The following GPR107 variants were observed in gnomAD, a reference collection of about 807,000 sequenced individuals.
The protein encoded by GPR107 is protein GPR107.
A neutral mutation model predicts 75.5 loss-of-function variants in GPR107; 31 were observed. The ratio of observed to expected loss-of-function variants is 0.41; its 90% CI spans 0.31 to 0.55. GPR107 has a LOEUF of 0.55. GPR107 is among the 20% of genes least tolerant of loss of function. The probability of loss-of-function intolerance (pLI) is 0.26; values close to 1 mark genes in which losing one functional copy is unlikely to be tolerated. For missense variants in GPR107, 572 were observed against 665.7 expected, an observed-to-expected ratio of 0.86 and a Z score of 1.55; for synonymous variants, 267 against 251.3, an observed-to-expected ratio of 1.06 and a Z score of -0.59.
chr9:130,058,788 C>G (rs1295854360), intron 1 of GPR107, among the ~76,000 whole-genome samples: 1 of 152,028 alleles, frequency 6.6e-6, no homozygotes, highest in Non-Finnish European at 1.5e-5. Flanking sequence ...TTGTGCCCAT[C>G]TTTCTTTCTT....
intron 1 of GPR107, among the ~76,000 whole-genome samples, chr9:130,056,912 G>C (rs944430095): frequency 1.5e-4 from 14 of 95,578 alleles, no homozygotes; most frequent in African/African-American, 6.4e-4. Context: ...GTGACAGAGC[G>C]AGACTCCTTC....
At chr9:130,059,385 G>C (rs1648062380) in intron 1 of GPR107, among the ~76,000 whole-genome samples, 1 of 152,262 alleles carries the variant, frequency 6.6e-6, no homozygotes, top group South Asian at 2.1e-4. Flanking sequence ...CTACTGGGGA[G>C]GCTGAGGCAG....
At chr9:130,097,906 G>C (rs1379381591) in intron 9 of GPR107, among the ~76,000 whole-genome samples, 3 of 151,686 alleles carry the variant, frequency 2.0e-5, no homozygotes, top group Non-Finnish European at 2.9e-5. Flanking sequence ...TTTTGAGACA[G>C]GGACTCGCTC....
chr9:130,134,162 C>T (rs1554899607), intron 17 of GPR107, among the ~76,000 whole-genome samples: 1 of 152,166 alleles, frequency 6.6e-6, no homozygotes, highest in Non-Finnish European at 1.5e-5. Context: ...GGCCAAGCGG[C>T]TTTTGACACC....
intron 14 of GPR107, among the ~76,000 whole-genome samples, chr9:130,114,977 C>T (rs533768738): frequency 2.6e-5 from 4 of 152,174 alleles, no homozygotes; most frequent in African/African-American, 9.6e-5. Context: ...CCAAAGAACT[C>T]TGTTGTATCT....
intron 17 of GPR107, among the ~76,000 whole-genome samples, chr9:130,134,757 A>G (rs12344508): frequency 0.12 from 18,665 of 152,320 alleles, 1,638 homozygotes; most frequent in African/African-American, 0.24. Flanking sequence ...TGATAACGAT[A>G]GCTGGTGTTT....
Position 130,076,449 on chromosome 9 carries a change from TTTC to T in GPR107, c.299_301del (p.Ser100del), listed in dbSNP as rs1471742769. 1.3e-6 allele frequency: 2 copies of T among 1,583,342 alleles called. No individual in the cohort carries two copies. Among genetic ancestry groups the T allele is most frequent in the Non-Finnish European group, 1.7e-6 (2 of 1,151,944 alleles). On this transcript the variant is annotated inframe_deletion, in exon 3 of 18. Coordinates refer to ENST00000347136, the MANE Select transcript of GPR107 (RefSeq NM_020960.5). ...CTAGACCGTACAAAGAATGATGGCT[TTTC>T]TTCTTACCTGGTGAGTATTAAATGT... is the stretch of plus-strand genomic sequence containing the variant.
chr9:130,093,131 G>A (rs1277354899), intron 9 of GPR107, among the ~76,000 whole-genome samples: 1 of 152,116 alleles, frequency 6.6e-6, no homozygotes, highest in Non-Finnish European at 1.5e-5. Flanking sequence ...GCTGCACTGG[G>A]ATAGATTCTC....
rs1035698012 is a variant in GPR107, at chr9:130,138,682, A to G, written c.*3561A>G. 1 of 151,866 alleles carries G rather than the reference A, an allele frequency of 6.6e-6. No homozygotes were observed. The highest frequency in any genetic ancestry group is 2.4e-5 in the African/African-American group (1 of 41,298). 9.4% of individuals were successfully genotyped at this position (151,866 alleles called of 1,614,324 possible). On this transcript the variant is annotated 3_prime_UTR_variant, in exon 18 of 18. Transcript: ENST00000347136. ...CTCCCAGCAGCTGTGTGAAAGATGC[A>G]TTTTCTAAGCTAAGGAGAATTTTCT...
At chr9:130,082,739 A>C (rs1830523299) in intron 5 of GPR107, among the ~76,000 whole-genome samples, 1 of 152,028 alleles carries the variant, frequency 6.6e-6, no homozygotes, top group Non-Finnish European at 1.5e-5. Flanking sequence ...TCAGCCTCCC[A>C]AAGTGCTGGG....
intron 12 of GPR107, among the ~76,000 whole-genome samples, chr9:130,104,002 A>C (rs1831099577): frequency 6.6e-6 from 1 of 152,104 alleles, no homozygotes; most frequent in South Asian, 2.1e-4. Flanking sequence ...TTCTGGGCTG[A>C]GAAGCTTGCT....
intron 1 of GPR107, among the ~76,000 whole-genome samples, chr9:130,072,421 G>A (rs1340718171): frequency 1.3e-5 from 2 of 151,804 alleles, no homozygotes; most frequent in Non-Finnish European, 1.5e-5. Context: ...AGGTTTCACC[G>A]TGTTAGCCAG....
chr9:130,131,430 G>A (rs1554899062), intron 17 of GPR107, among the ~76,000 whole-genome samples: 1 of 151,938 alleles, frequency 6.6e-6, no homozygotes, highest in Non-Finnish European at 1.5e-5. Flanking sequence ...TCCCAGTCCT[G>A]GCCACACACT....
At position 130,116,028 on chromosome 9, in the gene GPR107, C is replaced by T. The variant is rs540633238; in HGVS notation, c.1306+8489C>T. Reference sequence around the variant, plus strand: ...ATTCCTGTAATGCCATCAACTGAGTCGCAGCTTCTGATGAACATTATGAAA... The same window carrying T: ...ATTCCTGTAATGCCATCAACTGAGTTGCAGCTTCTGATGAACATTATGAAA... On this transcript the variant is annotated intron_variant, in intron 14 of 17. Transcript: ENST00000347136. Among the ~76,000 whole-genome samples the T allele has an allele frequency of 3.3e-5, 5 of 152,322 alleles. No homozygotes were observed. The South Asian group carries it at 6.2e-4, about 19-fold the overall frequency.
intron 9 of GPR107, among the ~76,000 whole-genome samples, chr9:130,094,651 T>G (rs1830819807): frequency 6.6e-6 from 1 of 151,944 alleles, no homozygotes; most frequent in African/African-American, 2.4e-5. Context: ...TGGGTGGGTT[T>G]TTTTATTTTG....
intron 1 of GPR107, among the ~76,000 whole-genome samples, chr9:130,074,379 G>A (rs573091385): frequency 6.6e-6 from 1 of 152,268 alleles, no homozygotes; most frequent in African/African-American, 2.4e-5. Context: ...GAAATAAAAA[G>A]TTACCCTTCA....
At chr9:130,066,817 C>G (rs570175290) in intron 1 of GPR107, among the ~76,000 whole-genome samples, 62 of 152,210 alleles carry the variant, frequency 4.1e-4, no homozygotes, top group African/African-American at 1.5e-3. Context: ...AACCCCGTCT[C>G]TACTAAAAAT....
At chr9:130,099,277 T>TG (rs990180988) in intron 9 of GPR107, among the ~76,000 whole-genome samples, 180 bp from the exon 10 acceptor site, 2 of 151,872 alleles carry the variant, frequency 1.3e-5, no homozygotes, top group African/African-American at 4.8e-5. Context: ...ATGACACCAC[T>TG]GTCCTCTAGC....
chr9:130,064,739 T>C (rs1278896907), intron 1 of GPR107, among the ~76,000 whole-genome samples: 1 of 152,086 alleles, frequency 6.6e-6, no homozygotes, highest in Non-Finnish European at 1.5e-5. Context: ...GTGGGCCCTA[T>C]TTTCAGTGTG....
Sources: allele counts gnomAD v4.1 joint callset (sites outside exome capture counted in the v4.1 genomes callset), GRCh38; gene constraint gnomAD v4.1.1; transcripts MANE v1.5; gene names NCBI Gene and HGNC (gene_info 2026-07-23, HGNC 2026-07-21).